INSL6: variants seen among roughly 807,000 people sequenced by gnomAD.
INSL6 encodes insulin like 6.
INSL6 carries 16 observed loss-of-function variants against 9.4 expected under a neutral mutation model. That is an observed-to-expected ratio of 1.70 (90% confidence interval 1.15 to 2.59). INSL6 has a LOEUF of 2.59. Ranked by LOEUF, INSL6 falls within the 30% of genes most tolerant of loss-of-function variation. The pLI is 0.00. For synonymous variants in INSL6, 154 were observed against 96.9 expected (o/e 1.59, Z -3.46); for missense variants, 391 against 257.3 (o/e 1.52, Z -3.56).
the INSL6 span, among the ~76,000 whole-genome samples, chr9:5,062,010 A>G: frequency 6.6e-6 from 1 of 152,180 alleles, no homozygotes. Flanking sequence ...CAGTCAGAAC[A>G]TATACAAATT....
chr9:5,114,023 C>A, the INSL6 span: 1 of 310,844 alleles, frequency 3.2e-6, no homozygotes, highest in South Asian at 3.2e-5. Context: ...ACTGGTCCAT[C>A]GCCTCTCCCA....
downstream of INSL6, chr9:5,123,188 T>A (rs979093450): frequency 8.3e-5 from 91 of 1,091,102 alleles, 1 homozygote; most frequent in Non-Finnish European, 5.4e-5. Flanking sequence ...ATTTATGGGG[T>A]ACAAGTACAA....
At chr9:5,145,024 T>C (rs1398889596) in intron 2 of INSL6, among the ~76,000 whole-genome samples, 6 of 152,232 alleles carry the variant, frequency 3.9e-5, no homozygotes, top group African/African-American at 1.4e-4. Context: ...GCTGGTTATT[T>C]TGCAGACTTG....
the INSL6 span, among the ~76,000 whole-genome samples, chr9:5,118,471 G>A: frequency 6.6e-6 from 1 of 152,144 alleles, no homozygotes; most frequent in African/African-American, 2.4e-5. Context: ...TATCATTGAA[G>A]TTACTAGGAT....
At chr9:5,022,736 C>A in the INSL6 span, among the ~76,000 whole-genome samples, 1 of 152,242 alleles carries the variant, frequency 6.6e-6, no homozygotes, top group South Asian at 2.1e-4. Context: ...TGGACCAAAA[C>A]TGTGAACCAG....
the INSL6 span, among the ~76,000 whole-genome samples, chr9:5,025,453 A>G: frequency 6.8e-6 from 1 of 148,116 alleles, no homozygotes; most frequent in Non-Finnish European, 1.5e-5. Context: ...TTATTTTGTT[A>G]TTCTTCTTCC....
the INSL6 span, among the ~76,000 whole-genome samples, chr9:5,006,486 T>A: frequency 6.6e-6 from 1 of 152,206 alleles, no homozygotes; most frequent in Non-Finnish European, 1.5e-5. Flanking sequence ...AAGAGCTATC[T>A]GAGACTGGGT....
chr9:5,099,917 C>CG, the INSL6 span: 1 of 152,152 alleles, frequency 6.6e-6, no homozygotes, highest in Non-Finnish European at 1.5e-5. Context: ...TGCTTTAAAA[C>CG]GAAAAACTCC....
intron 1 of INSL6, among the ~76,000 whole-genome samples, chr9:5,181,398 T>A (rs906380779): frequency 1.3e-5 from 2 of 150,926 alleles, no homozygotes; most frequent in African/African-American, 4.9e-5. Context: ...CACAAATTAG[T>A]GAGAAAAATA....
chr9:5,124,769 A>G (rs1381167828), intron 3 of INSL6, among the ~76,000 whole-genome samples: 1 of 151,742 alleles, frequency 6.6e-6, no homozygotes, highest in Non-Finnish European at 1.5e-5. Flanking sequence ...TTTATAGCCA[A>G]CTGATCTTTG....
At chr9:5,076,729 T>C in the INSL6 span, among the ~76,000 whole-genome samples, 1 of 152,102 alleles carries the variant, frequency 6.6e-6, no homozygotes, top group Non-Finnish European at 1.5e-5. Flanking sequence ...TTTATATAAT[T>C]CCCTATTTTC....
rs749377607 is a variant in INSL6 at position 5,185,502 on chromosome 9, C to T, written c.101G>A (p.Gly34Asp). The change falls in exon 1 of 2, where the codon GGC becomes GAC. Residue 34 changes from glycine to aspartate, a missense_variant. Gly to Asp is a moderately conservative substitution (Grantham distance 94). Coordinates refer to ENST00000381641, the MANE Select transcript of INSL6 (RefSeq NM_007179.3). ...TTCTATTTCTTTCACCAAGTACCTG[C>T]CGCACAGCTTCCTGGCACTGCTGAT... ...SDISSARKLC[G>D]RYLVKEIEKL... 2 of 1,614,220 alleles carry T rather than the reference C, an allele frequency of 1.2e-6. No homozygotes were observed. The highest frequency in any genetic ancestry group is 1.7e-6 in the Non-Finnish European group (2 of 1,180,044).
chr9:5,028,802 C>G, the INSL6 span, among the ~76,000 whole-genome samples: 2 of 152,200 alleles, frequency 1.3e-5, no homozygotes, highest in Non-Finnish European at 2.9e-5. Context: ...CCTCACCTCT[C>G]TCAGCCTTCA....
the INSL6 span, among the ~76,000 whole-genome samples, chr9:5,096,222 C>T: frequency 3.3e-5 from 5 of 152,156 alleles, no homozygotes; most frequent in African/African-American, 1.2e-4. Context: ...TTTCTTCTAC[C>T]TTCCTCTTAC....
At chr9:5,160,248 A>T (rs1033855690), downstream of INSL6, among the ~76,000 whole-genome samples, 3 of 151,928 alleles carry the variant, frequency 2.0e-5, no homozygotes, top group Non-Finnish European at 4.4e-5. Context: ...AAATAATATC[A>T]TGTATCTTTT....
the INSL6 span, chr9:5,077,600 T>C: frequency 1.4e-6 from 2 of 1,417,262 alleles, no homozygotes; most frequent in Non-Finnish European, 1.9e-6. Context: ...ACAACCTTTT[T>C]ATCAAAAGAT....
chr9:5,059,190 C>G, the INSL6 span, among the ~76,000 whole-genome samples: 1 of 152,300 alleles, frequency 6.6e-6, no homozygotes, highest in East Asian at 1.9e-4. Flanking sequence ...GAATAGTTCT[C>G]TTACTCCTAG....
Position 5,185,305 on chromosome 9 carries a change from G to T in INSL6, c.289+9C>A. On this transcript the variant is annotated intron_variant, in intron 1 of 1. Coordinates refer to ENST00000381641, the MANE Select transcript of INSL6 (RefSeq NM_007179.3). The stretch of plus-strand genomic sequence containing the variant: ...GGTGAACAAACATGCCTTCGGTTTC[G>T]ATTTTTACCTGGGTTTGTGCCTCTT... 6.2e-7 allele frequency: 1 copy of T among 1,613,990 alleles called. No individual in the cohort carries two copies. The highest frequency in any genetic ancestry group is 8.5e-7 in the Non-Finnish European group (1 of 1,180,000).
chr9:5,113,191 CTTT>C, the INSL6 span, among the ~76,000 whole-genome samples: 12,488 of 56,510 alleles, frequency 0.22, 1,029 homozygotes, highest in Admixed American at 0.25. Flanking sequence ...CTGGCAGGAG[CTTT>C]TTTTTTTTTT....
Sources: allele counts gnomAD v4.1 joint callset (sites outside exome capture counted in the v4.1 genomes callset), GRCh38; gene constraint gnomAD v4.1.1; transcripts MANE v1.5; gene names NCBI Gene and HGNC (gene_info 2026-07-23, HGNC 2026-07-21).